The following CLTRN variants were observed in gnomAD, a reference collection of about 807,000 sequenced individuals.
The protein encoded by CLTRN is collectrin.
CLTRN carries 12 observed loss-of-function variants against 14.5 expected under a neutral mutation model. The observed-to-expected ratio is 0.83, with a 90% CI of 0.53 to 1.34. The LOEUF (loss-of-function observed/expected upper bound fraction) is 1.34. CLTRN is among the 40% of genes most tolerant of loss of function. The pLI is 0.00. For synonymous variants in CLTRN, 58 were observed against 56.5 expected, an observed-to-expected ratio of 1.03 and a Z score of -0.12; for missense variants, 154 against 165.1, an observed-to-expected ratio of 0.93 and a Z score of 0.37.
rs149089484 is a variant in CLTRN at position 15,628,043 on chromosome X, A to T, written c.597T>A (p.Asp199Glu). The change falls in exon 6 of 6, where the codon GAT (aspartate) becomes GAA (glutamate). Residue 199 changes from aspartate to glutamate, a missense_variant. By Grantham distance (45) the Asp-to-Glu change is conservative. Coordinates refer to ENST00000380342, the MANE Select transcript of CLTRN (RefSeq NM_020665.6). ...MITIENGIPS[D>E]PLDMKGGHIN... ...TATGCCCTCCCTTCATGTCCAGGGG[A>T]TCAGAGGGGATGCCATTTTCAATTG... 4.3e-5 allele frequency: 49 copies of T among 1,148,504 alleles called. No homozygotes were observed. The highest frequency in any genetic ancestry group is 5.6e-5 in the Non-Finnish European group (48 of 860,816). 94.6% of individuals were successfully genotyped at this position (1,148,504 alleles called of 1,213,427 possible).
intron 5 of CLTRN, among the ~76,000 whole-genome samples, chrX:15,633,064 T>G (rs980236373): frequency 1.3e-4 from 14 of 110,417 alleles, no homozygotes; most frequent in African/African-American, 4.6e-4. Context: ...CTGGAATGAT[T>G]TGAGTGGGCA....
At chrX:15,637,426 T>A (rs548309560) in intron 5 of CLTRN, among the ~76,000 whole-genome samples, 1 of 112,042 alleles carries the variant, frequency 8.9e-6, no homozygotes, top group African/African-American at 3.2e-5. Flanking sequence ...AAACAATTTA[T>A]CTTCAGAAGG....
intron 3 of CLTRN, among the ~76,000 whole-genome samples, chrX:15,657,461 A>G (rs1929400036): frequency 8.9e-6 from 1 of 112,724 alleles, no homozygotes; most frequent in Non-Finnish European, 1.9e-5. Flanking sequence ...CTAAGAATGG[A>G]AACACTTAAT....
At chrX:15,643,961 A>G (rs188598764) in intron 4 of CLTRN, among the ~76,000 whole-genome samples, 143 of 111,969 alleles carry the variant, frequency 1.3e-3, no homozygotes, top group African/African-American at 4.6e-3. Flanking sequence ...TTTTTTGAGT[A>G]TATCTTTGCC....
chrX:15,671,365 A>T (rs1929715092), intron 1 of CLTRN, among the ~76,000 whole-genome samples: 1 of 112,694 alleles, frequency 8.9e-6, no homozygotes, highest in African/African-American at 3.2e-5. Flanking sequence ...AGCCCACAGG[A>T]TACAAGTTAA....
At chrX:15,634,380 C>T (rs1431542327) in intron 5 of CLTRN, among the ~76,000 whole-genome samples, 1 of 110,841 alleles carries the variant, frequency 9.0e-6, no homozygotes, top group African/African-American at 3.3e-5. Flanking sequence ...AGACTGGAAC[C>T]CAAAACAAAG....
In CLTRN at chrX:15,627,851, A is replaced by C. The variant is rs2147192676; in HGVS notation, c.*120T>G. The C allele has an allele frequency of 1.7e-6, 1 of 586,958 alleles. No individual in the cohort carries two copies. Among genetic ancestry groups the C allele is most frequent in the Admixed American group, 5.9e-5 (1 of 16,912 alleles). The allele number at this position is 586,958 out of a possible 1,213,427, so 48.4% of individuals were successfully genotyped here. ...CTTTTCACTTTCAAGCACATTCAAA[A>C]TTTATTACAAAAGAAGAATGGTGAA... On this transcript the variant is annotated 3_prime_UTR_variant, in exon 6 of 6. Coordinates refer to ENST00000380342, the MANE Select transcript of CLTRN (RefSeq NM_020665.6).
At chrX:15,645,749 G>A (rs1569251316) in intron 3 of CLTRN, among the ~76,000 whole-genome samples, 1 of 112,177 alleles carries the variant, frequency 8.9e-6, no homozygotes, top group Non-Finnish European at 1.9e-5. Context: ...TTCAGAGAGA[G>A]ACAATCTATA....
At chrX:15,648,432 A>T (rs6632690) in intron 3 of CLTRN, among the ~76,000 whole-genome samples, 30,984 of 110,210 alleles carry the variant, frequency 0.28, 3,597 homozygotes, top group East Asian at 0.52. Context: ...AAAAATGGCT[A>T]CAGGTGTTCC....
chrX:15,647,314 C>A (rs1161182014), intron 3 of CLTRN, among the ~76,000 whole-genome samples: 3 of 111,467 alleles, frequency 2.7e-5, no homozygotes, highest in African/African-American at 9.6e-5. Flanking sequence ...CCTCTCCTCT[C>A]CCTTAAAGCC....
chrX:15,650,641 A>G (rs1053674227), intron 3 of CLTRN, among the ~76,000 whole-genome samples: 1 of 112,324 alleles, frequency 8.9e-6, no homozygotes, highest in Admixed American at 9.4e-5. Flanking sequence ...CTTCTTCAAC[A>G]GGACAATGTT....
chrX:15,666,013 A>G (rs967157201), upstream of CLTRN, among the ~76,000 whole-genome samples: 4 of 112,017 alleles, frequency 3.6e-5, no homozygotes, highest in Non-Finnish European at 3.8e-5. Flanking sequence ...AGTCTCACTG[A>G]TAAGTGGGAG....
chrX:15,668,327 C>T (rs1158919098), upstream of CLTRN, among the ~76,000 whole-genome samples: 3 of 111,893 alleles, frequency 2.7e-5, no homozygotes, highest in South Asian at 1.1e-3. Context: ...CACTACTGCA[C>T]GGAATCTGGC....
At chrX:15,662,717 C>A (rs369446004) in intron 2 of CLTRN, among the ~76,000 whole-genome samples, 2 of 111,612 alleles carry the variant, frequency 1.8e-5, no homozygotes, top group African/African-American at 6.5e-5. Context: ...AGCTCCTCCA[C>A]CCCACGAAAA....
intron 3 of CLTRN, among the ~76,000 whole-genome samples, chrX:15,645,250 C>T (rs3810721): frequency 0.28 from 31,371 of 110,960 alleles, 3,611 homozygotes; most frequent in East Asian, 0.52. Context: ...TAGGGAATAA[C>T]AGGGAATCTG....
At chrX:15,629,517 G>A (rs1031125145) in intron 5 of CLTRN, among the ~76,000 whole-genome samples, 1 of 110,655 alleles carries the variant, frequency 9.0e-6, no homozygotes, top group East Asian at 2.8e-4. Context: ...GTTTTATTGA[G>A]GTATAATTGA....
intron 3 of CLTRN, among the ~76,000 whole-genome samples, chrX:15,645,656 G>A (rs1486679150): frequency 8.9e-6 from 1 of 112,285 alleles, no homozygotes; most frequent in Non-Finnish European, 1.9e-5. Context: ...TTGTTTTGCA[G>A]TTACAGACTT....
At position 15,627,852 on chromosome X, in the gene CLTRN, T is replaced by G. The variant is rs920971368; in HGVS notation, c.*119A>C. ...TTTTCACTTTCAAGCACATTCAAAA[T>G]TTATTACAAAAGAAGAATGGTGAAA... On this transcript the variant is annotated 3_prime_UTR_variant, in exon 6 of 6. Coordinates refer to ENST00000380342, the MANE Select transcript of CLTRN (RefSeq NM_020665.6). 8 of 591,489 alleles carry G rather than the reference T, an allele frequency of 1.4e-5. No homozygotes were observed. The African/African-American group carries it at 1.9e-4, about 14-fold the overall frequency. 48.7% of individuals were successfully genotyped at this position (591,489 alleles called of 1,213,427 possible). A position where few individuals can be genotyped will look rare whatever the true frequency, so the allele number is the denominator to read the frequency against.
At chrX:15,635,380 T>A (rs1199749451) in intron 5 of CLTRN, among the ~76,000 whole-genome samples, 5 of 112,182 alleles carry the variant, frequency 4.5e-5, no homozygotes, top group East Asian at 2.8e-4. Context: ...CTCATAGAAT[T>A]ATTTGCATTT....
Sources: gnomAD v4.1 joint callset for allele counts (sites outside exome capture counted in the v4.1 genomes callset) on GRCh38, gnomAD v4.1.1 for gene constraint, MANE v1.5 for transcripts, NCBI Gene and HGNC (gene_info 2026-07-23, HGNC 2026-07-21) for gene names.